Variants in GYS1 observed in about 807,000 individuals in gnomAD.
The protein encoded by GYS1 is glycogen [starch] synthase, muscle.
In GYS1, 60 loss-of-function variants were observed where a neutral mutation model predicts 89.1. The observed-to-expected ratio is 0.67, with a 90% CI of 0.55 to 0.84. The LOEUF (loss-of-function observed/expected upper bound fraction) is 0.84. GYS1 is among the 40% of genes least tolerant of loss of function. The probability of loss-of-function intolerance (pLI) is 0.00; values close to 1 mark genes in which losing one functional copy is unlikely to be tolerated. For missense variants in GYS1, 888 were observed against 1,003.1 expected (o/e 0.89, Z 1.55); for synonymous variants, 366 against 401.7 (o/e 0.91, Z 1.06).
In GYS1 at chr19:48,969,410, A is replaced by G. The variant is rs147627546; in HGVS notation, c.2092T>C (p.Ser698Pro). Residue 698 changes from serine to proline, a missense_variant, in exon 16 of 16, where the codon TCC becomes CCC. Coordinates refer to ENST00000323798, the MANE Select transcript of GYS1 (RefSeq NM_002103.5). ...IRAPEWPRRA[S>P]CTSSTSGSKR... Reference sequence around the variant, plus strand: ...CTGCCGCTGGTGGAGGAGGTGCAGGACGCTCGGCGCGGCCACTCTGGTGCA... The same window carrying G: ...CTGCCGCTGGTGGAGGAGGTGCAGGGCGCTCGGCGCGGCCACTCTGGTGCA... 5.2e-6 allele frequency: 8 copies of G among 1,553,050 alleles called. No homozygotes were observed. The African/African-American group carries it at 9.6e-5, about 19-fold the overall frequency.
Position 48,991,401 on chromosome 19 carries a change from C to G in GYS1, c.201G>C (p.Pro67=), listed in dbSNP as rs140201404. 6.2e-7 allele frequency: 1 copy of G among 1,614,008 alleles called. No homozygotes were observed. Among genetic ancestry groups the G allele is most frequent in the African/African-American group, 1.3e-5 (1 of 74,950 alleles). Residue 67 remains proline (P), a synonymous_variant, in exon 2 of 16, where the codon CCG becomes CCC. Transcript: ENST00000323798. This position sits in a 1 kb window ranked among gnomAD's most constrained non-coding sequence, Gnocchi z 4.7. The stretch of plus-strand genomic sequence containing the variant: ...GGGTCCTCACGCCCTGCTCCGTGTA[C>G]GGCCCCACCAGGAAGTAGTTGTCGC... The part of the protein sequence containing the change: ...EWGDNYFLVG[P]YTEQGVRTQV...
At chr19:48,977,263 A>C (rs1417356224) in intron 10 of GYS1, among the ~76,000 whole-genome samples, 3 of 151,966 alleles carry the variant, frequency 2.0e-5, no homozygotes, top group African/African-American at 7.3e-5. Context: ...GAGCCACCAC[A>C]CCTGGCCCTT....
At chr19:48,980,978 G>A (rs984979365) in intron 8 of GYS1, among the ~76,000 whole-genome samples, 6 of 152,032 alleles carry the variant, frequency 3.9e-5, no homozygotes, top group Non-Finnish European at 8.8e-5. Context: ...GCCAGGTGTG[G>A]TGGCACACCC....
intron 2 of GYS1, among the ~76,000 whole-genome samples, chr19:48,990,802 C>T (rs559184481): frequency 6.6e-6 from 1 of 152,284 alleles, no homozygotes; most frequent in Non-Finnish European, 1.5e-5. Flanking sequence ...GGCTGGCTGG[C>T]ATTCTTTTCT....
rs748918644 is a variant in GYS1 at position 48,970,719 on chromosome 19, C to T, written c.1646-10G>A. ...TCAAGAATGTAGATACCTGTGGAGG[C>T]CAGGACCCAGGTTCAGAAAACATCC... On this transcript the variant is annotated splice_polypyrimidine_tract_variant and intron_variant, in intron 13 of 15. Coordinates refer to ENST00000323798, the MANE Select transcript of GYS1 (RefSeq NM_002103.5). 1 of 1,613,000 alleles carries T rather than the reference C, an allele frequency of 6.2e-7. No individual in the cohort carries two copies. Among genetic ancestry groups the T allele is most frequent in the Non-Finnish European group, 8.5e-7 (1 of 1,179,338 alleles).
Position 48,978,091 on chromosome 19 carries a change from C to T in GYS1, c.1229+7G>A, listed in dbSNP as rs2038688995. Reference sequence around the variant, plus strand: ...GGAGGGCACAGGGCTGAGGGTGGGGCACTCACACCAGTAAGGATTCATAAA... The same window carrying T: ...GGAGGGCACAGGGCTGAGGGTGGGGTACTCACACCAGTAAGGATTCATAAA... On this transcript the variant is annotated splice_region_variant and intron_variant, in intron 9 of 15. Coordinates refer to ENST00000323798, the MANE Select transcript of GYS1 (RefSeq NM_002103.5). 3.7e-6 allele frequency: 6 copies of T among 1,612,898 alleles called. No individual in the cohort carries two copies. The highest frequency in any genetic ancestry group is 5.1e-6 in the Non-Finnish European group (6 of 1,179,010).
intron 5 of GYS1, among the ~76,000 whole-genome samples, chr19:48,983,904 C>T (rs1015792849): frequency 1.3e-5 from 2 of 152,142 alleles, no homozygotes; most frequent in African/African-American, 2.4e-5. Context: ...TACAGGTCAC[C>T]ACCCCCACAG....
Position 48,968,937 on chromosome 19 carries a change from G to T in GYS1, c.*351C>A. 1.9e-6 allele frequency: 1 copy of T among 526,198 alleles called. No individual in the cohort carries two copies. Among genetic ancestry groups the T allele is most frequent in the East Asian group, 4.9e-5 (1 of 20,460 alleles). The allele number at this position is 526,198 out of a possible 1,614,324, so 32.6% of individuals were successfully genotyped here. On this transcript the variant is annotated 3_prime_UTR_variant, in exon 16 of 16. Coordinates refer to ENST00000323798, the MANE Select transcript of GYS1 (RefSeq NM_002103.5). ...GTAGAATTTGTAAGCCACACGGGGG[G>T]CTCTAAAAGCCCCAGACCTGAAAGC... is the stretch of plus-strand genomic sequence containing the variant.
At chr19:48,982,490 C>G in intron 6 of GYS1, 115 bp from the exon 7 acceptor site, 1 of 1,239,364 alleles carries the variant, frequency 8.1e-7, no homozygotes, top group Non-Finnish European at 1.2e-6. Flanking sequence ...TTAGGTAATA[C>G]AGAGGCATCA....
At position 48,969,828 on chromosome 19, in the gene GYS1, G is replaced by C. The variant is rs2038527285; in HGVS notation, c.1837C>G (p.Leu613Val). Residue 613 changes from leucine to valine, a missense_variant, in exon 15 of 16, where the codon CTG becomes GTG. By Grantham distance (32) the Leu-to-Val change is conservative. Coordinates refer to ENST00000323798, the MANE Select transcript of GYS1 (RefSeq NM_002103.5). ...AAGTGCTCTGGAAAGGCCTTGGACAGCGCCATGTGGCGCGCAGACATATAG... is the reference window on the plus strand; with the variant it reads ...AAGTGCTCTGGAAAGGCCTTGGACACCGCCATGTGGCGCGCAGACATATAG... ...RYYMSARHMA[L>V]SKAFPEHFTY... is the part of the protein sequence containing the mutation. 3 of 1,613,786 alleles carry C rather than the reference G, an allele frequency of 1.9e-6. No homozygotes were observed. Among genetic ancestry groups the C allele is most frequent in the East Asian group, 4.5e-5 (2 of 44,882 alleles).
intron 10 of GYS1, among the ~76,000 whole-genome samples, chr19:48,977,118 G>T (rs979373085): frequency 2.0e-5 from 3 of 151,894 alleles, no homozygotes; most frequent in Non-Finnish European, 2.9e-5. Context: ...GGGTGGGTGG[G>T]GGGCTAGTGT....
chr19:48,970,901 A>T (rs2038554466), intron 13 of GYS1, 27 bp downstream of exon 13: 1 of 1,570,626 alleles, frequency 6.4e-7, no homozygotes, highest in Non-Finnish European at 8.8e-7. Flanking sequence ...GCCCCCTTCC[A>T]GAATCCTCAG....
rs1364607232 is a variant in GYS1, at chr19:48,968,851, C to T, written c.*437G>A. On this transcript the variant is annotated 3_prime_UTR_variant, in exon 16 of 16. Transcript: ENST00000323798. ...GATCGCCCCATTCGCAGGGACACCA[C>T]GTGGTTTCCAGAACTTGGTGGCCCG... The T allele has an allele frequency of 4.3e-5, 20 of 462,054 alleles. No individual in the cohort carries two copies. The highest frequency in any genetic ancestry group is 4.0e-4 in the Admixed American group (17 of 42,744). 28.6% of individuals were successfully genotyped at this position (462,054 alleles called of 1,614,324 possible). A position where few individuals can be genotyped will look rare whatever the true frequency, so the allele number is the denominator to read the frequency against.
Position 48,970,582 on chromosome 19 carries a change from G to A in GYS1, c.1773C>T (p.Arg591=). The change falls in exon 14 of 16, where the codon CGC becomes CGT. Residue 591 remains arginine (R), a synonymous_variant. Transcript: ENST00000323798. ...QRIIQRNRTE[R]LSDLLDWKYL... is the part of the protein sequence containing the mutation. ...ATTTCCAGTCCAGAAGGTCGGAGAG[G>A]CGCTCCGTGCGGTTCCGCTGGATGA... 1.2e-6 allele frequency: 2 copies of A among 1,613,878 alleles called. No homozygotes were observed. Among genetic ancestry groups the A allele is most frequent in the East Asian group, 2.2e-5 (1 of 44,888 alleles).
At chr19:48,970,771 C>G in intron 13 of GYS1, 62 bp from the exon 14 acceptor site, 1 of 1,524,332 alleles carries the variant, frequency 6.6e-7, no homozygotes, top group South Asian at 1.1e-5. Context: ...GTCTCCAGGA[C>G]TCTGTGGCAC....
intron 14 of GYS1, 37 bp from the exon 15 acceptor site, chr19:48,969,892 A>G (rs763805056): frequency 1.4e-6 from 2 of 1,470,208 alleles, no homozygotes; most frequent in Non-Finnish European, 1.9e-6. Flanking sequence ...AGGATGTGAG[A>G]GCCAGGCCCC....
At position 48,993,287 on chromosome 19, in the gene GYS1, CAGA is replaced by C. The variant is rs760510598; in HGVS notation, c.-178_-176del. 2 of 689,374 alleles carry C rather than the reference CAGA, an allele frequency of 2.9e-6. No homozygotes were observed. The highest frequency in any genetic ancestry group is 2.7e-5 in the East Asian group (1 of 37,002). The allele number at this position is 689,374 out of a possible 1,614,324, so 42.7% of individuals were successfully genotyped here. On this transcript the variant is annotated 5_prime_UTR_variant, in exon 1 of 16. Transcript: ENST00000323798. Reference sequence around the variant, plus strand: ...CTGCCCCGAAGCGTTGGGACCTAGGCAGAAGGAGGCCGCAGCGTCACTGAGCCC... The same window carrying C: ...CTGCCCCGAAGCGTTGGGACCTAGGCAGGAGGCCGCAGCGTCACTGAGCCC...
rs1243119458 is a variant in GYS1 at position 48,969,622 on chromosome 19, C to T, written c.1891-11G>A. On this transcript the variant is annotated splice_polypyrimidine_tract_variant and intron_variant, in intron 15 of 15. Coordinates refer to ENST00000323798, the MANE Select transcript of GYS1 (RefSeq NM_002103.5). ...GCGGTACCCCTGGGCCTGCATACGGCGATGTGGGTGCAAACCAGGGTGAGC... is the reference window on the plus strand; with the variant it reads ...GCGGTACCCCTGGGCCTGCATACGGTGATGTGGGTGCAAACCAGGGTGAGC... 3.9e-6 allele frequency: 6 copies of T among 1,546,628 alleles called. No homozygotes were observed. Among genetic ancestry groups the T allele is most frequent in the Non-Finnish European group, 5.2e-6 (6 of 1,151,654 alleles).
rs5454 is a variant in GYS1, at chr19:48,991,294, C to T, written c.300+8G>A. 3,837 of 1,613,198 alleles carry T rather than the reference C, an allele frequency of 2.4e-3. 5 individuals are homozygous for T. The highest frequency in any genetic ancestry group is 3.0e-3 in the Non-Finnish European group (3,580 of 1,179,872). The stretch of plus-strand genomic sequence containing the variant: ...CCCGCTTCTGCCCTGGGCTGGGCCA[C>T]GTCCCACCTTGCAGCCCTTGCTGTT... On this transcript the variant is annotated splice_region_variant and intron_variant, in intron 2 of 15. Coordinates refer to ENST00000323798, the MANE Select transcript of GYS1 (RefSeq NM_002103.5). The surrounding 1 kb of genome is among the most constrained non-coding windows in gnomAD (Gnocchi z 4.7).
Sources: allele counts gnomAD v4.1 joint callset (sites outside exome capture counted in the v4.1 genomes callset), GRCh38; gene constraint gnomAD v4.1.1; non-coding constraint Gnocchi (gnomAD v3.1); transcripts MANE v1.5; gene names NCBI Gene and HGNC (gene_info 2026-07-23, HGNC 2026-07-21).